The following APBA2 variants were observed in gnomAD, a reference collection of about 807,000 sequenced individuals.
The protein encoded by APBA2 is amyloid-beta A4 precursor protein-binding family A member 2.
A neutral mutation model predicts 75.0 loss-of-function variants in APBA2; 30 were observed. The ratio of observed to expected loss-of-function variants is 0.40; its 90% CI spans 0.30 to 0.54. The LOEUF (loss-of-function observed/expected upper bound fraction) is 0.54, where lower values mean the gene tolerates loss of function less well. APBA2 is among the 20% of genes least tolerant of loss of function. The pLI is 0.49. For missense variants in APBA2, 801 were observed against 1,016.1 expected, an observed-to-expected ratio of 0.79 and a Z score of 2.88; for synonymous variants, 444 against 409.6, an observed-to-expected ratio of 1.08 and a Z score of -1.01.
chr15:28,960,406 T>C (rs2036404306), intron 2 of APBA2, among the ~76,000 whole-genome samples: 1 of 150,688 alleles, frequency 6.6e-6, no homozygotes, highest in African/African-American at 2.5e-5. Flanking sequence ...GAGGCTGCAG[T>C]AAGCTATGAT....
At chr15:29,043,821 G>C (rs1038727471) in intron 3 of APBA2, among the ~76,000 whole-genome samples, 1 of 152,178 alleles carries the variant, frequency 6.6e-6, no homozygotes, top group Non-Finnish European at 1.5e-5. Context: ...TTGCTTGACA[G>C]TGTTGGATAT....
chr15:29,101,547 A>G (rs1046647640), intron 9 of APBA2, 52 bp from the exon 10 acceptor site: 8 of 1,583,012 alleles, frequency 5.1e-6, no homozygotes, highest in Non-Finnish European at 6.9e-6. Flanking sequence ...GTACTTTTCA[A>G]TGGATTGTCC....
intron 3 of APBA2, among the ~76,000 whole-genome samples, chr15:29,001,254 C>T (rs59324818): frequency 0.015 from 2,351 of 152,202 alleles, 63 homozygotes; most frequent in African/African-American, 0.053. Flanking sequence ...CACTCTGTCA[C>T]CCAGGCTGGA....
At chr15:29,101,450 T>G in intron 9 of APBA2, 149 bp from the exon 10 acceptor site, 1 of 787,052 alleles carries the variant, frequency 1.3e-6, no homozygotes, top group Non-Finnish European at 2.2e-6. Context: ...CAGGCTGGTC[T>G]TGAACTCCTG....
Position 29,117,910 on chromosome 15 carries a change from C to A in APBA2, c.*777C>A, listed in dbSNP as rs2045306779. ...AGACAAGGAGGGCACAGGTGTCTGC[C>A]CCCTCTTTAAAATCGATCTACACAC... On this transcript the variant is annotated 3_prime_UTR_variant, in exon 15 of 15. Transcript: ENST00000683413. 7.5e-6 allele frequency: 1 copy of A among 133,498 alleles called. No homozygotes were observed. The highest frequency in any genetic ancestry group is 2.8e-5 in the African/African-American group (1 of 35,920). The allele number at this position is 133,498 out of a possible 1,614,324, so 8.3% of individuals were successfully genotyped here.
chr15:28,953,057 A>G (rs1873279), intron 2 of APBA2, among the ~76,000 whole-genome samples: 46,385 of 151,976 alleles, frequency 0.31, 11,852 homozygotes, highest in African/African-American at 0.68. Flanking sequence ...GGGACCTGGA[A>G]GTCCTGGTGT....
At chr15:29,038,962 A>G (rs535604001) in intron 3 of APBA2, among the ~76,000 whole-genome samples, 1 of 151,988 alleles carries the variant, frequency 6.6e-6, no homozygotes, top group Non-Finnish European at 1.5e-5. Flanking sequence ...GTGAGCCACT[A>G]CGCCTGGCGC....
intron 2 of APBA2, among the ~76,000 whole-genome samples, chr15:28,989,023 G>T (rs537905460): frequency 6.6e-6 from 1 of 152,050 alleles, no homozygotes. Context: ...GTATTAATTT[G>T]CATTTCCCTG....
At chr15:28,906,409 G>T (rs970586369) in intron 1 of APBA2, among the ~76,000 whole-genome samples, 3 of 152,182 alleles carry the variant, frequency 2.0e-5, no homozygotes, top group African/African-American at 7.2e-5. Context: ...CTTTTGGGTT[G>T]TTACCATTTT....
intron 3 of APBA2, among the ~76,000 whole-genome samples, chr15:29,019,216 C>T (rs1328012878): frequency 6.6e-6 from 1 of 152,244 alleles, no homozygotes; most frequent in African/African-American, 2.4e-5. Flanking sequence ...GTGTCTCTCC[C>T]TTTCCCCCTC....
chr15:28,912,047 G>C (rs2033454306), intron 1 of APBA2, among the ~76,000 whole-genome samples: 1 of 152,178 alleles, frequency 6.6e-6, no homozygotes, highest in South Asian at 2.1e-4. Context: ...TTATGTTGCT[G>C]TATCTGTTTG....
chr15:29,003,909 AC>A (rs1344759305), intron 3 of APBA2, among the ~76,000 whole-genome samples: 1 of 152,212 alleles, frequency 6.6e-6, no homozygotes, highest in African/African-American at 2.4e-5. Flanking sequence ...TGGACAGAAG[AC>A]TTTCACAGCA....
chr15:29,022,552 A>G (rs1460089865), intron 3 of APBA2, among the ~76,000 whole-genome samples: 2 of 152,110 alleles, frequency 1.3e-5, no homozygotes, highest in African/African-American at 4.8e-5. Context: ...AAAGTTTATA[A>G]CCCATTCCCC....
intron 3 of APBA2, among the ~76,000 whole-genome samples, chr15:29,001,736 C>T (rs1037288740): frequency 5.9e-5 from 9 of 152,174 alleles, no homozygotes; most frequent in Non-Finnish European, 1.3e-4. Flanking sequence ...TTGGAAGCTC[C>T]TGCTCTGACA....
chr15:29,050,516 A>G (rs2041546273), intron 3 of APBA2, among the ~76,000 whole-genome samples: 1 of 152,220 alleles, frequency 6.6e-6, no homozygotes, highest in South Asian at 2.1e-4. Flanking sequence ...ATTTTTCTGA[A>G]ATCATCTGAA....
intron 4 of APBA2, among the ~76,000 whole-genome samples, chr15:29,061,069 T>TG (rs989590692): frequency 5.3e-5 from 8 of 152,110 alleles, no homozygotes; most frequent in African/African-American, 1.9e-4. Context: ...CCCACACTCC[T>TG]GGGGGGCACC....
At chr15:29,005,843 A>G (rs2039085876) in intron 3 of APBA2, among the ~76,000 whole-genome samples, 2 of 151,500 alleles carry the variant, frequency 1.3e-5, no homozygotes, top group Non-Finnish European at 1.5e-5. Flanking sequence ...CAACCTGGGC[A>G]ACAGAGCGAG....
At chr15:29,109,102 A>G (rs1192065100) in intron 13 of APBA2, among the ~76,000 whole-genome samples, 3 of 152,228 alleles carry the variant, frequency 2.0e-5, no homozygotes, top group Non-Finnish European at 4.4e-5. Context: ...CAAATTGTTT[A>G]AACCAGCCCT....
intron 2 of APBA2, among the ~76,000 whole-genome samples, chr15:28,950,423 C>A (rs575825984): frequency 6.6e-6 from 1 of 151,842 alleles, no homozygotes; most frequent in Non-Finnish European, 1.5e-5. Context: ...GTCAGGAGAT[C>A]GAGACCATCT....
Sources: allele counts gnomAD v4.1 joint callset (sites outside exome capture counted in the v4.1 genomes callset), GRCh38; gene constraint gnomAD v4.1.1; transcripts MANE v1.5; gene names NCBI Gene and HGNC (gene_info 2026-07-23, HGNC 2026-07-21).